The following BLTP1 variants were observed in gnomAD, a reference collection of about 807,000 sequenced individuals.
BLTP1 encodes the protein fragile site-associated protein.
the BLTP1 span, chr4:122,220,598 G>T: frequency 1.4e-6 from 1 of 740,016 alleles, no homozygotes; most frequent in South Asian, 1.9e-5. Context: ...TAAGTTAACT[G>T]TATTAAGAAG....
chr4:122,312,006 TGA>T, the BLTP1 span, among the ~76,000 whole-genome samples: 1 of 152,158 alleles, frequency 6.6e-6, no homozygotes, highest in East Asian at 1.9e-4. Flanking sequence ...CTATATTCTA[TGA>T]GTTTATATAT....
At chr4:122,235,633 A>C in the BLTP1 span, 1 of 198,614 alleles carries the variant, frequency 5.0e-6, no homozygotes, top group Non-Finnish European at 9.0e-6. Context: ...GTGAAACCCC[A>C]TCTCTGCTAA....
chr4:122,154,269 G>A, the BLTP1 span: 6 of 927,858 alleles, frequency 6.5e-6, no homozygotes, highest in East Asian at 2.7e-4. Flanking sequence ...TCCACCTCCC[G>A]GGTTCACGCC....
chr4:122,258,637 G>C, the BLTP1 span: 1 of 1,543,548 alleles, frequency 6.5e-7, no homozygotes, highest in Non-Finnish European at 8.7e-7. Context: ...AGAAACATAG[G>C]GGCTGATGTT....
chr4:122,196,683 A>C, the BLTP1 span: 1 of 1,611,590 alleles, frequency 6.2e-7, no homozygotes, highest in Non-Finnish European at 8.5e-7. Flanking sequence ...AAGTTCTGAA[A>C]GTTTCTGAAA....
At chr4:122,334,341 C>T in the BLTP1 span, 7 of 1,521,998 alleles carry the variant, frequency 4.6e-6, no homozygotes, top group African/African-American at 9.6e-5. Flanking sequence ...TATTTCAATA[C>T]AGTTGCATTA....
chr4:122,268,330 GA>G, the BLTP1 span, among the ~76,000 whole-genome samples: 1 of 152,090 alleles, frequency 6.6e-6, no homozygotes. Flanking sequence ...ATATAATACA[GA>G]ACAAGGAGCT....
At chr4:122,356,904 C>T in the BLTP1 span, 2 of 1,435,560 alleles carry the variant, frequency 1.4e-6, no homozygotes, top group South Asian at 3.0e-5. Flanking sequence ...AAGACTATCA[C>T]AGACTTTCTG....
the BLTP1 span, chr4:122,271,374 G>A: frequency 1.2e-5 from 19 of 1,613,724 alleles, no homozygotes; most frequent in African/African-American, 2.7e-5. Flanking sequence ...CGGGACTTTC[G>A]TTCATCTGAC....
the BLTP1 span, chr4:122,246,976 TA>T: frequency 1.1e-6 from 1 of 896,854 alleles, no homozygotes; most frequent in Non-Finnish European, 1.3e-6. Flanking sequence ...CATATGTCTT[TA>T]AAAAATTTTT....
chr4:122,356,131 C>A, the BLTP1 span: 1 of 616,638 alleles, frequency 1.6e-6, no homozygotes, highest in Non-Finnish European at 2.7e-6. Flanking sequence ...TTCTTATCAG[C>A]TATATGACCT....
chr4:122,356,981 C>A, the BLTP1 span: 1 of 981,434 alleles, frequency 1.0e-6, no homozygotes, highest in Non-Finnish European at 1.2e-6. Flanking sequence ...TATACATTAT[C>A]TTATGTACAT....
the BLTP1 span, chr4:122,334,502 G>A: frequency 6.2e-7 from 1 of 1,612,638 alleles, no homozygotes; most frequent in Non-Finnish European, 8.5e-7. Context: ...TCCAGAGCAA[G>A]ACTAACACCT....
the BLTP1 span, chr4:122,298,925 C>T: frequency 1.0e-6 from 1 of 985,100 alleles, no homozygotes; most frequent in Non-Finnish European, 1.2e-6. Flanking sequence ...TAAAGACTTG[C>T]AGTAATTGTT....
chr4:122,190,122 A>C, the BLTP1 span: 1 of 1,609,690 alleles, frequency 6.2e-7, no homozygotes, highest in South Asian at 1.1e-5. Context: ...AAAGTGACAG[A>C]GTGAGACTCT....
the BLTP1 span, chr4:122,353,034 A>G: frequency 1.9e-6 from 3 of 1,614,072 alleles, no homozygotes; most frequent in Non-Finnish European, 2.5e-6. This position sits in a 1 kb window ranked among gnomAD's most constrained non-coding sequence, Gnocchi z 4.3. Context: ...GCTTACATGG[A>G]AATCATATGA....
the BLTP1 span, chr4:122,318,073 A>G: frequency 6.9e-7 from 1 of 1,457,730 alleles, no homozygotes; most frequent in South Asian, 1.3e-5. Context: ...ACAAGAATTA[A>G]AAAGGAGCAA....
the BLTP1 span, chr4:122,251,259 TAAG>T: frequency 2.1e-6 from 2 of 937,420 alleles, no homozygotes; most frequent in Non-Finnish European, 2.5e-6. Context: ...TAGTATGTAA[TAAG>T]AATGTAGTAA....
the BLTP1 span, chr4:122,293,214 A>C: frequency 1.0e-6 from 1 of 976,352 alleles, no homozygotes; most frequent in African/African-American, 1.7e-5. Context: ...TTATACTATG[A>C]AATAAAACTT....
Sources: gnomAD v4.1 joint callset for allele counts (sites outside exome capture counted in the v4.1 genomes callset) on GRCh38, gnomAD v4.1.1 for gene constraint, Gnocchi (gnomAD v3.1) non-coding constraint, MANE v1.5 for transcripts, NCBI Gene and HGNC (gene_info 2026-07-23, HGNC 2026-07-21) for gene names.